The following GRIA4 variants were observed in gnomAD, a reference collection of about 807,000 sequenced individuals.
GRIA4 encodes the protein glutamate receptor 4.
A neutral mutation model predicts 104.0 loss-of-function variants in GRIA4; 34 were observed. That is an observed-to-expected ratio of 0.33 (90% CI 0.25 to 0.44). The LOEUF is 0.44. Ranked by LOEUF, GRIA4 falls within the 20% of genes least tolerant of loss-of-function variation. GRIA4 has a pLI of 1.00. For synonymous variants in GRIA4, 386 were observed against 381.9 expected (o/e 1.01, Z -0.13); for missense variants, 750 against 1,096.5 (o/e 0.68, Z 4.46).
At chr11:105,625,943 C>T (rs1359788630) in intron 3 of GRIA4, among the ~76,000 whole-genome samples, 2 of 152,058 alleles carry the variant, frequency 1.3e-5, no homozygotes, top group Admixed American at 1.3e-4. Context: ...CTTAATTCAG[C>T]TAGCTATAAA....
chr11:105,860,860 G>A (rs1333126942), intron 4 of GRIA4, among the ~76,000 whole-genome samples: 1 of 151,380 alleles, frequency 6.6e-6, no homozygotes, highest in African/African-American at 2.4e-5. Flanking sequence ...TTGGGAGGCT[G>A]AGGCAGAAGA....
chr11:105,808,713 C>A (rs115845061), intron 4 of GRIA4, among the ~76,000 whole-genome samples: 1 of 151,968 alleles, frequency 6.6e-6, no homozygotes, highest in African/African-American at 2.4e-5. Context: ...CATGGCTAAC[C>A]TGTCTCACAA....
chr11:105,977,822 A>C (rs2136296812), intron 16 of GRIA4, among the ~76,000 whole-genome samples: 1 of 152,160 alleles, frequency 6.6e-6, no homozygotes, highest in East Asian at 1.9e-4. Flanking sequence ...CAGTCTCCCC[A>C]GAGTCTCACT....
At chr11:105,824,254 C>G (rs1444674455) in intron 4 of GRIA4, among the ~76,000 whole-genome samples, 1 of 152,070 alleles carries the variant, frequency 6.6e-6, no homozygotes, top group Non-Finnish European at 1.5e-5. Flanking sequence ...CTGGTTCCAC[C>G]CCCTGTTCAT....
chr11:105,709,925 T>C (rs1953850773), intron 3 of GRIA4, among the ~76,000 whole-genome samples: 1 of 152,106 alleles, frequency 6.6e-6, no homozygotes, highest in African/African-American at 2.4e-5. Context: ...CCCAGATTTG[T>C]GGGCTGATGT....
intron 3 of GRIA4, among the ~76,000 whole-genome samples, chr11:105,642,529 A>C (rs1444435142): frequency 9.8e-6 from 1 of 102,112 alleles, no homozygotes; most frequent in Non-Finnish European, 1.9e-5. Context: ...AACATTCTCA[A>C]TTTTAATGAA....
chr11:105,614,698 C>A (rs2135249218), intron 3 of GRIA4, among the ~76,000 whole-genome samples: 1 of 151,742 alleles, frequency 6.6e-6, no homozygotes, highest in East Asian at 1.9e-4. Flanking sequence ...CATTTTCTAG[C>A]AGAGAAAAGG....
At chr11:105,621,198 A>G (rs76272946) in intron 3 of GRIA4, among the ~76,000 whole-genome samples, 175 of 151,932 alleles carry the variant, frequency 1.2e-3, no homozygotes, top group African/African-American at 4.1e-3. Context: ...TGTTTATTCC[A>G]AAATGAGCAG....
At chr11:105,913,243 A>C (rs767897819) in intron 10 of GRIA4, 2 of 410,794 alleles carry the variant, frequency 4.9e-6, no homozygotes, top group Non-Finnish European at 6.6e-6. Flanking sequence ...CCAGAAACAT[A>C]ATTAAGAATT....
rs751348025 is a variant in GRIA4, at chr11:105,905,319, T to C, written c.1158+18T>C. The stretch of plus-strand genomic sequence containing the variant: ...CTAGAAAGGTGAGCCACGATCAAAC[T>C]GAAAAACAGAATTCTCTGTTTCTTA... On this transcript the variant is annotated intron_variant, in intron 9 of 16. Transcript: ENST00000282499. The C allele has an allele frequency of 4.7e-6, 6 of 1,289,090 alleles. 1 individual carries two copies. The highest frequency in any genetic ancestry group is 6.8e-6 in the Non-Finnish European group (6 of 886,184). 79.9% of individuals were successfully genotyped at this position (1,289,090 alleles called of 1,614,324 possible).
chr11:105,637,238 T>C (rs922046402), intron 3 of GRIA4, among the ~76,000 whole-genome samples: 1 of 152,184 alleles, frequency 6.6e-6, no homozygotes, highest in Non-Finnish European at 1.5e-5. Flanking sequence ...CATAATTATG[T>C]TAATACATTT....
At chr11:105,754,260 T>C (rs1410697307) in intron 4 of GRIA4, among the ~76,000 whole-genome samples, 3 of 152,168 alleles carry the variant, frequency 2.0e-5, no homozygotes, top group African/African-American at 7.2e-5. Context: ...GAGAGGAAGA[T>C]CAAATACATA....
intron 4 of GRIA4, among the ~76,000 whole-genome samples, chr11:105,754,747 G>A (rs1308929215): frequency 2.0e-5 from 3 of 152,062 alleles, no homozygotes; most frequent in Non-Finnish European, 4.4e-5. Context: ...GATCATCTGT[G>A]GATTCTGTCT....
chr11:105,917,815 GGTGTGTGTGTGTGTGTGT>G (rs147308478), intron 10 of GRIA4, among the ~76,000 whole-genome samples: 2 of 142,690 alleles, frequency 1.4e-5, no homozygotes, highest in African/African-American at 5.2e-5. Context: ...TTGGTTTAAG[GGTGTGTGTGTGTGTGTGT>G]GTGTGTGTGT....
chr11:105,878,211 C>T (rs1438500091), intron 5 of GRIA4, among the ~76,000 whole-genome samples: 1 of 152,154 alleles, frequency 6.6e-6, no homozygotes, highest in Non-Finnish European at 1.5e-5. Flanking sequence ...AGGTTCACTC[C>T]AGACCCTGTT....
At chr11:105,911,367 A>G (rs1377825933) in intron 10 of GRIA4, among the ~76,000 whole-genome samples, 1 of 152,078 alleles carries the variant, frequency 6.6e-6, no homozygotes, top group African/African-American at 2.4e-5. Flanking sequence ...GCTAGTCAAA[A>G]GAGATCAACA....
chr11:105,909,193 CCT>C (rs1210277313), intron 9 of GRIA4, among the ~76,000 whole-genome samples: 2 of 152,022 alleles, frequency 1.3e-5, no homozygotes, highest in Non-Finnish European at 2.9e-5. Flanking sequence ...TAATCTAGTG[CCT>C]CTTTCTGACA....
chr11:105,878,893 G>A (rs1375306174), intron 5 of GRIA4, among the ~76,000 whole-genome samples: 3 of 152,184 alleles, frequency 2.0e-5, no homozygotes, highest in Non-Finnish European at 4.4e-5. Context: ...CTTTCCAGAG[G>A]AGTAAATGGT....
chr11:105,876,288 A>T (rs750194524), intron 5 of GRIA4, among the ~76,000 whole-genome samples: 10 of 152,038 alleles, frequency 6.6e-5, no homozygotes, highest in Non-Finnish European at 1.2e-4. Flanking sequence ...ACTGTTTGTT[A>T]TGATTTTTGT....
Sources: allele counts gnomAD v4.1 joint callset (sites outside exome capture counted in the v4.1 genomes callset), GRCh38; gene constraint gnomAD v4.1.1; transcripts MANE v1.5; gene names NCBI Gene and HGNC (gene_info 2026-07-23, HGNC 2026-07-21).